The following FLACC1 variants were observed in gnomAD, a reference collection of about 807,000 sequenced individuals.
FLACC1 encodes flagellum associated containing coiled-coil domains 1.
Under a neutral mutation model 62.8 loss-of-function variants are expected in FLACC1, and 66 were observed. The ratio of observed to expected loss-of-function variants is 1.05; its 90% CI spans 0.86 to 1.29. FLACC1 has a LOEUF of 1.29. Ranked by LOEUF, FLACC1 falls within the 50% of genes most tolerant of loss-of-function variation. The probability of loss-of-function intolerance (pLI) is 0.00; values close to 1 mark genes in which losing one functional copy is unlikely to be tolerated. For missense variants in FLACC1, 452 were observed against 489.1 expected (o/e 0.92, Z 0.71); for synonymous variants, 156 against 161.0 (o/e 0.97, Z 0.24).
chr2:201,307,897 T>C (rs895661328), intron 10 of FLACC1, among the ~76,000 whole-genome samples: 1 of 152,244 alleles, frequency 6.6e-6, no homozygotes, highest in Non-Finnish European at 1.5e-5. Context: ...CTTTTTATTT[T>C]GTCCATTCCC....
rs1951028495 is a variant in FLACC1 at position 201,351,492 on chromosome 2, A to C, written c.-47-41T>G. 4.1e-6 allele frequency: 4 copies of C among 967,098 alleles called. No individual in the cohort carries two copies. The African/African-American group carries it at 4.9e-5, about 12-fold the overall frequency. 59.9% of individuals were successfully genotyped at this position (967,098 alleles called of 1,614,324 possible). ...AACAGCAGAAGGTTAAACCATTTAG[A>C]ATCAAAGCAAAAATACAGAAGAATT... On this transcript the variant is annotated intron_variant, in intron 1 of 14. Transcript: ENST00000392257.
chr2:201,363,949 C>T, the FLACC1 span, among the ~76,000 whole-genome samples: 1 of 152,196 alleles, frequency 6.6e-6, no homozygotes. Context: ...TGTAGTTGGA[C>T]CTGCCTAGTC....
intron 11 of FLACC1, among the ~76,000 whole-genome samples, chr2:201,299,893 A>G (rs1175053158): frequency 6.6e-6 from 1 of 152,224 alleles, no homozygotes; most frequent in African/African-American, 2.4e-5. Context: ...ATTTCTATGA[A>G]GAACTACCTG....
At chr2:201,360,502 G>A (rs1951177172), upstream of FLACC1, among the ~76,000 whole-genome samples, 1 of 152,196 alleles carries the variant, frequency 6.6e-6, no homozygotes, top group African/African-American at 2.4e-5. Context: ...CACTCCCAGT[G>A]TGGAAAAGAC....
At position 201,342,358 on chromosome 2, in the gene FLACC1, C is replaced by T. The variant is rs755157143; in HGVS notation, c.524+12G>A. ...CATCAACACACACAAGGGTCCATGC[C>T]AGAAAGTGTACCTGTTCTTGTTTTC... On this transcript the variant is annotated intron_variant, in intron 7 of 14. Transcript: ENST00000392257. 2.5e-6 allele frequency: 4 copies of T among 1,613,968 alleles called. No individual in the cohort carries two copies. The African/African-American group carries it at 5.3e-5, about 22-fold the overall frequency.
intron 7 of FLACC1, among the ~76,000 whole-genome samples, chr2:201,340,803 G>C (rs1192264729): frequency 6.6e-6 from 1 of 152,104 alleles, no homozygotes; most frequent in Non-Finnish European, 1.5e-5. Flanking sequence ...CAGGCATAGT[G>C]GTAATGAACT....
intron 9 of FLACC1, among the ~76,000 whole-genome samples, chr2:201,311,361 C>A (rs992784182): frequency 7.9e-5 from 12 of 152,080 alleles, no homozygotes; most frequent in Admixed American, 7.9e-4. Context: ...GCCAATATCC[C>A]TATGAACATA....
At chr2:201,300,914 C>T (rs1949967629) in intron 11 of FLACC1, among the ~76,000 whole-genome samples, 1 of 152,138 alleles carries the variant, frequency 6.6e-6, no homozygotes. Flanking sequence ...ACACCAAAAC[C>T]TCATCTGTAC....
chr2:201,343,000 C>T (rs986259432), intron 6 of FLACC1, among the ~76,000 whole-genome samples: 2 of 152,202 alleles, frequency 1.3e-5, no homozygotes, highest in Non-Finnish European at 2.9e-5. Flanking sequence ...TCAAATCAGT[C>T]GGTGACCACT....
Position 201,289,768 on chromosome 2 carries a change from C to G in FLACC1, c.960G>C (p.Leu320Phe). ...RKTKEVMQEELHAQALILESL... is the reference protein window; with the variant it reads ...RKTKEVMQEEFHAQALILESL... ...ACTCTAGGATAAGGGCTTGTGCATG[C>G]AATTCTTCCTGCATGACCTGCATAA... Residue 320 changes from leucine (L) to phenylalanine (F), a missense_variant, in exon 13 of 15, where the codon TTG (leucine) becomes TTC (phenylalanine). Leu to Phe is a conservative substitution (Grantham distance 22, BLOSUM62 0). Around this residue, in one of 3 missense-constraint regions of FLACC1, gnomAD observed 301 missense variants for 318.4 expected, o/e 0.95. Coordinates refer to ENST00000392257, the MANE Select transcript of FLACC1 (RefSeq NM_001127391.3). The G allele has an allele frequency of 6.2e-7, 1 of 1,614,180 alleles. No homozygotes were observed. Among genetic ancestry groups the G allele is most frequent in the East Asian group, 2.2e-5 (1 of 44,886 alleles).
chr2:201,296,092 A>T (rs1445215384), intron 12 of FLACC1, among the ~76,000 whole-genome samples: 2 of 152,188 alleles, frequency 1.3e-5, no homozygotes. Flanking sequence ...ACCATTGTGG[A>T]AGTCAGTGTG....
intron 6 of FLACC1, 65 bp downstream of exon 6, chr2:201,344,105 A>T: frequency 1.4e-6 from 2 of 1,429,700 alleles, no homozygotes; most frequent in Non-Finnish European, 2.0e-6. Flanking sequence ...CCTGGCACAT[A>T]GGTGATTCAA....
chr2:201,325,968 A>G (rs1013114914), intron 9 of FLACC1, among the ~76,000 whole-genome samples: 6 of 151,958 alleles, frequency 3.9e-5, no homozygotes, highest in African/African-American at 1.4e-4. Flanking sequence ...CATCAAAAAG[A>G]TAATTCAAGT....
At chr2:201,309,812 C>T (rs2125564041) in intron 9 of FLACC1, among the ~76,000 whole-genome samples, 1 of 147,178 alleles carries the variant, frequency 6.8e-6, no homozygotes, top group South Asian at 2.1e-4. Flanking sequence ...GAGGCTGAGG[C>T]AGGAGACTCG....
At chr2:201,320,075 T>C (rs1253941840) in intron 9 of FLACC1, among the ~76,000 whole-genome samples, 2 of 152,054 alleles carry the variant, frequency 1.3e-5, no homozygotes, top group Non-Finnish European at 2.9e-5. Context: ...TGGGGAGGGA[T>C]GTGGAATATA....
At chr2:201,358,573 C>T (rs992840297), upstream of FLACC1, among the ~76,000 whole-genome samples, 23 of 151,868 alleles carry the variant, frequency 1.5e-4, 1 homozygote, top group South Asian at 3.1e-3. Context: ...CCCGCCACTA[C>T]GCCCGGCTAA....
rs1437261851 is a variant in FLACC1 at position 201,357,269 on chromosome 2, C to G, written c.-335G>C. ...TCTAAAGACAAAACAGTTGAAGTTT[C>G]TCAGTATTGCAATGAAATTAAACTA... is the stretch of plus-strand genomic sequence containing the variant. On this transcript the variant is annotated 5_prime_UTR_variant, in exon 1 of 15. Coordinates refer to ENST00000392257, the MANE Select transcript of FLACC1 (RefSeq NM_001127391.3). 6.6e-6 allele frequency: 1 copy of G among 152,226 alleles called. No homozygotes were observed. The highest frequency in any genetic ancestry group is 2.4e-5 in the African/African-American group (1 of 41,458). The allele number at this position is 152,226 out of a possible 1,614,324, so 9.4% of individuals were successfully genotyped here.
At chr2:201,341,978 G>C (rs1950819441) in intron 7 of FLACC1, among the ~76,000 whole-genome samples, 1 of 152,108 alleles carries the variant, frequency 6.6e-6, no homozygotes, top group South Asian at 2.1e-4. Flanking sequence ...GAGAGTAGAG[G>C]TGAGACAAAG....
chr2:201,347,624 TA>T (rs1950941665), intron 4 of FLACC1, among the ~76,000 whole-genome samples: 1 of 116,030 alleles, frequency 8.6e-6, no homozygotes, highest in Non-Finnish European at 2.0e-5. Context: ...TACAAAGACC[TA>T]AAACTAAAAA....
Sources: allele counts gnomAD v4.1 joint callset (sites outside exome capture counted in the v4.1 genomes callset), GRCh38; gene constraint gnomAD v4.1.1; regional missense constraint gnomAD v4.1.1; transcripts MANE v1.5; gene names NCBI Gene and HGNC (gene_info 2026-07-23, HGNC 2026-07-21).